HID1: variants seen among roughly 807,000 people sequenced by gnomAD.
HID1 encodes the protein protein HID1.
Under a neutral mutation model 89.7 loss-of-function variants are expected in HID1, and 42 were observed. The observed-to-expected ratio is 0.47, with a 90% CI of 0.37 to 0.61. The LOEUF (loss-of-function observed/expected upper bound fraction) is 0.61, where lower values mean the gene tolerates loss of function less well. HID1 is among the 20% of genes least tolerant of loss of function. The pLI, the probability that HID1 is intolerant of heterozygous loss-of-function variation, is 0.00. For missense variants in HID1, 854 were observed against 1,039.3 expected (o/e 0.82, Z 2.45); for synonymous variants, 442 against 433.8 (o/e 1.02, Z -0.24).
At chr17:74,970,424 C>T (rs1036178661) in intron 1 of HID1, among the ~76,000 whole-genome samples, 3 of 152,180 alleles carry the variant, frequency 2.0e-5, no homozygotes, top group Non-Finnish European at 4.4e-5. Flanking sequence ...AATATGCACC[C>T]GCCAGGTTCA....
rs2039497490 is a variant in HID1 at position 74,962,470 on chromosome 17, C to T, written c.505-130G>A. On this transcript the variant is annotated intron_variant, in intron 4 of 18. Transcript: ENST00000425042. This position sits in a 1 kb window ranked among gnomAD's most constrained non-coding sequence, Gnocchi z 4.3. ...ACCGCCAGTTCTCCTAAAGACAGGT[C>T]CTCAAAATGGCCTGGCCCTCATGCA... 1.7e-6 allele frequency: 1 copy of T among 578,192 alleles called. No individual in the cohort carries two copies. Among genetic ancestry groups the T allele is most frequent in the Non-Finnish European group, 3.1e-6 (1 of 318,728 alleles). 35.8% of individuals were successfully genotyped at this position (578,192 alleles called of 1,614,324 possible). A position where few individuals can be genotyped will look rare whatever the true frequency, so the allele number is the denominator to read the frequency against.
intron 2 of HID1, 32 bp downstream of exon 2, chr17:74,964,451 A>C: frequency 6.3e-7 from 1 of 1,594,598 alleles, no homozygotes; most frequent in Non-Finnish European, 8.5e-7. Flanking sequence ...GGGAGGGTGG[A>C]AGAGTAGCAG....
At chr17:74,963,563 G>C (rs761489507) in intron 3 of HID1, 177 bp downstream of exon 3, 7 of 633,996 alleles carry the variant, frequency 1.1e-5, no homozygotes, top group Non-Finnish European at 1.9e-5. Flanking sequence ...CCATGGGAGG[G>C]GAACTGAGGG....
At position 74,958,320 on chromosome 17, in the gene HID1, C is replaced by T. The variant is rs759801257; in HGVS notation, c.1392+7G>A. ...CCTCCTGGGCCCGGCCGCACGAGCC[C>T]CCTCACCACAATGAGCAGGTCGGCG... is the stretch of plus-strand genomic sequence containing the variant. On this transcript the variant is annotated splice_region_variant and intron_variant, in intron 11 of 18. Coordinates refer to ENST00000425042, the MANE Select transcript of HID1 (RefSeq NM_030630.3). This position sits in a 1 kb window ranked among gnomAD's most constrained non-coding sequence, Gnocchi z 5.2. 14 of 1,612,788 alleles carry T rather than the reference C, an allele frequency of 8.7e-6. No homozygotes were observed. The highest frequency in any genetic ancestry group is 8.5e-7 in the Non-Finnish European group (1 of 1,179,576).
rs2039450620 is a variant in HID1 at position 74,959,804 on chromosome 17, G to A, written c.1008+77C>T. On this transcript the variant is annotated intron_variant, in intron 8 of 18. Transcript: ENST00000425042. The surrounding 1 kb of genome is among the most constrained non-coding windows in gnomAD (Gnocchi z 4.6). The stretch of plus-strand genomic sequence containing the variant: ...CAGAGAGCATGGTTCCTTCATGGAG[G>A]GGTCAGGATCCCCCATATCCCTGTC... 6.9e-7 allele frequency: 1 copy of A among 1,445,730 alleles called. No individual in the cohort carries two copies. Among genetic ancestry groups the A allele is most frequent in the Admixed American group, 1.7e-5 (1 of 58,506 alleles). 89.6% of individuals were successfully genotyped at this position (1,445,730 alleles called of 1,614,324 possible).
Position 74,959,962 on chromosome 17 carries a change from G to A in HID1, c.952-25C>T. 1 of 1,613,624 alleles carries A rather than the reference G, an allele frequency of 6.2e-7. No individual in the cohort carries two copies. Among genetic ancestry groups the A allele is most frequent in the Non-Finnish European group, 8.5e-7 (1 of 1,180,004 alleles). On this transcript the variant is annotated intron_variant, in intron 7 of 18. Coordinates refer to ENST00000425042, the MANE Select transcript of HID1 (RefSeq NM_030630.3). This position sits in a 1 kb window ranked among gnomAD's most constrained non-coding sequence, Gnocchi z 4.6. Reference sequence around the variant, plus strand: ...GCTGCCAAGAGGAGAAGCCCCTGGTGAGCAGGCGTCCTCCCCACAACCCGT... The same window carrying A: ...GCTGCCAAGAGGAGAAGCCCCTGGTAAGCAGGCGTCCTCCCCACAACCCGT...
chr17:74,951,876 T>C (rs2144796670), intron 18 of HID1, 29 bp downstream of exon 18: 3 of 1,487,794 alleles, frequency 2.0e-6, no homozygotes, highest in Non-Finnish European at 2.7e-6. Flanking sequence ...GGCTCTCAGG[T>C]GGACACCACC....
At chr17:74,953,800 C>A in intron 14 of HID1, 149 bp from the exon 15 acceptor site, 1 of 682,946 alleles carries the variant, frequency 1.5e-6, no homozygotes, top group Non-Finnish European at 2.6e-6. Context: ...ATCACTGTAA[C>A]GCCCTCTCCT....
rs150590350 is a variant in HID1 at position 74,957,051 on chromosome 17, C to T, written c.1471+1090G>A. Among the ~76,000 whole-genome samples the T allele has an allele frequency of 1.4e-3, 215 of 152,326 alleles. 2 individuals are homozygous for T. In the East Asian group the frequency reaches 0.033, roughly 23 times the overall value. Reference sequence around the variant, plus strand: ...CTGCACATATGAAACACACAAGAGGCCAGACACAGTGGCTCACGCCTGTAT... The same window carrying T: ...CTGCACATATGAAACACACAAGAGGTCAGACACAGTGGCTCACGCCTGTAT... On this transcript the variant is annotated intron_variant, in intron 12 of 18. Transcript: ENST00000425042.
rs2039307615 is a variant in HID1, at chr17:74,951,948, C to T, written c.2260G>A (p.Ala754Thr). 9 of 1,559,498 alleles carry T rather than the reference C, an allele frequency of 5.8e-6. No individual in the cohort carries two copies. In the South Asian group the frequency reaches 9.6e-5, roughly 17 times the overall value. Residue 754 changes from alanine to threonine, a missense_variant, in exon 18 of 19, where the codon GCC becomes ACC. Coordinates refer to ENST00000425042, the MANE Select transcript of HID1 (RefSeq NM_030630.3). The part of the protein sequence containing the change: ...IRKYQANSGT[A>T]MWFRTYMWGV... The stretch of plus-strand genomic sequence containing the variant: ...CACATGTAGGTGCGGAACCACATGG[C>T]AGTGCCCGAGTTGGCCTGGTACTTG...
In HID1 at chr17:74,959,994, G is replaced by A. The variant is rs201031897; in HGVS notation, c.951+32C>T. 4.0e-4 allele frequency: 640 copies of A among 1,613,294 alleles called. No individual in the cohort carries two copies. Among genetic ancestry groups the A allele is most frequent in the Non-Finnish European group, 4.2e-4 (496 of 1,179,786 alleles). Reference sequence around the variant, plus strand: ...CGTCCTCCCCACAACCCGTGGCCCCGGCAGCTGTCCCTTCCATGCTCCCAT... The same window carrying A: ...CGTCCTCCCCACAACCCGTGGCCCCAGCAGCTGTCCCTTCCATGCTCCCAT... On this transcript the variant is annotated intron_variant, in intron 7 of 18. Transcript: ENST00000425042. The surrounding 1 kb of genome is among the most constrained non-coding windows in gnomAD (Gnocchi z 4.6).
chr17:74,954,352 C>G lies in HID1; in HGVS notation c.1650G>C (p.Leu550=). The G allele has an allele frequency of 6.4e-7, 1 of 1,568,180 alleles. No individual in the cohort carries two copies. The highest frequency in any genetic ancestry group is 8.6e-7 in the Non-Finnish European group (1 of 1,156,948). ...TGCGCTTGCGGATGATGGCGTAGAC[C>G]AGGTTGGAGTTGCCTGTGGGCAGGG... ...IQYQFDGNSN[L]VYAIIRKRSI... The change falls in exon 14 of 19, where the codon CTG becomes CTC. Residue 550 remains leucine (L), a synonymous_variant. Transcript: ENST00000425042.
intron 1 of HID1, among the ~76,000 whole-genome samples, chr17:74,965,195 C>T (rs1378959576): frequency 2.6e-5 from 4 of 152,376 alleles, no homozygotes; most frequent in Admixed American, 1.3e-4. Context: ...CGCCCACCTC[C>T]AGCGCTGCAG....
intron 1 of HID1, among the ~76,000 whole-genome samples, chr17:74,967,478 G>A (rs1459918195): frequency 1.3e-5 from 2 of 151,814 alleles, no homozygotes; most frequent in Non-Finnish European, 2.9e-5. Context: ...GGCGGAGGTT[G>A]CAGTGAGCCA....
chr17:74,965,844 G>C (rs985054014), intron 1 of HID1, among the ~76,000 whole-genome samples: 17 of 152,074 alleles, frequency 1.1e-4, no homozygotes, highest in Middle Eastern at 6.8e-3. Flanking sequence ...TTGAACCCAG[G>C]AGGCAGAGGT....
At position 74,958,087 on chromosome 17, in the gene HID1, T is replaced by C. The variant is rs988782173; in HGVS notation, c.1471+54A>G. On this transcript the variant is annotated intron_variant, in intron 12 of 18. Coordinates refer to ENST00000425042, the MANE Select transcript of HID1 (RefSeq NM_030630.3). This position sits in a 1 kb window ranked among gnomAD's most constrained non-coding sequence, Gnocchi z 5.2. ...CTGGAGCAAGTGGCAGGTTGGCCTGTGGCCTGACACCACCTGGTGGTGAGC... is the reference window on the plus strand; with the variant it reads ...CTGGAGCAAGTGGCAGGTTGGCCTGCGGCCTGACACCACCTGGTGGTGAGC... 1 of 1,519,846 alleles carries C rather than the reference T, an allele frequency of 6.6e-7. No individual in the cohort carries two copies. Among genetic ancestry groups the C allele is most frequent in the Admixed American group, 1.9e-5 (1 of 51,290 alleles). 94.1% of individuals were successfully genotyped at this position (1,519,846 alleles called of 1,614,324 possible).
chr17:74,959,132 C>G lies in HID1; in HGVS notation c.1009-81G>C, dbSNP rs902727. Reference sequence around the variant, plus strand: ...TTCCCAGCCCAGGCCCCCAACAAATCCCCCCCTCCATCCCCCAGAGCCAGA... The same window carrying G: ...TTCCCAGCCCAGGCCCCCAACAAATGCCCCCCTCCATCCCCCAGAGCCAGA... On this transcript the variant is annotated intron_variant, in intron 8 of 18. Transcript: ENST00000425042. The surrounding 1 kb of genome is among the most constrained non-coding windows in gnomAD (Gnocchi z 4.6). 0.5 allele frequency: 703,950 copies of G among 1,401,632 alleles called. 183,646 individuals carry two copies. Among genetic ancestry groups the G allele is most frequent in the East Asian group, 0.93 (38,177 of 40,954 alleles). 86.8% of individuals were successfully genotyped at this position (1,401,632 alleles called of 1,614,324 possible).
At chr17:74,966,358 T>C (rs984812369) in intron 1 of HID1, among the ~76,000 whole-genome samples, 2 of 150,626 alleles carry the variant, frequency 1.3e-5, no homozygotes, top group African/African-American at 4.9e-5. Context: ...CTCTGGGTGG[T>C]TTTATATTTT....
Position 74,958,256 on chromosome 17 carries a change from G to A in HID1, c.1393-37C>T, listed in dbSNP as rs531184806. On this transcript the variant is annotated intron_variant, in intron 11 of 18. Transcript: ENST00000425042. This position sits in a 1 kb window ranked among gnomAD's most constrained non-coding sequence, Gnocchi z 5.2. ...GGGACAGAGGCACCGTGGGGTCCCC[G>A]CTGCCTCCAGACTCAGCCAAGAGGA... 25 of 1,607,308 alleles carry A rather than the reference G, an allele frequency of 1.6e-5. No homozygotes were observed. Among genetic ancestry groups the A allele is most frequent in the South Asian group, 5.6e-5 (5 of 90,016 alleles).
Sources: allele counts gnomAD v4.1 joint callset (sites outside exome capture counted in the v4.1 genomes callset), GRCh38; gene constraint gnomAD v4.1.1; non-coding constraint Gnocchi (gnomAD v3.1); transcripts MANE v1.5; gene names NCBI Gene and HGNC (gene_info 2026-07-23, HGNC 2026-07-21).